The following NAV2 variants were observed in gnomAD, a reference collection of about 807,000 sequenced individuals.
NAV2 encodes the protein helicase, APC down-regulated 1.
NAV2 carries 54 observed loss-of-function variants against 223.2 expected under a neutral mutation model. The ratio of observed to expected loss-of-function variants is 0.24; its 90% CI spans 0.19 to 0.30. NAV2 has a LOEUF of 0.30. NAV2 is among the 10% of genes least tolerant of loss of function. The pLI is 1.00. For synonymous variants in NAV2, 1,279 were observed against 1,239.3 expected (o/e 1.03, Z -0.67); for missense variants, 2,806 against 3,147.5 (o/e 0.89, Z 2.60).
At chr11:19,822,475 TA>T (rs2059432527) in intron 1 of NAV2, among the ~76,000 whole-genome samples, 1 of 152,222 alleles carries the variant, frequency 6.6e-6, no homozygotes, top group Non-Finnish European at 1.5e-5. Flanking sequence ...CTTAACTTGA[TA>T]TTCAGAGGCA....
chr11:19,583,773 G>A (rs1440765590), intron 1 of NAV2, among the ~76,000 whole-genome samples: 2 of 152,146 alleles, frequency 1.3e-5, no homozygotes, highest in African/African-American at 4.8e-5. Flanking sequence ...GCTGGATTCG[G>A]TTTGCCAGTA....
At chr11:19,962,246 A>G (rs1252575946) in intron 10 of NAV2, among the ~76,000 whole-genome samples, 2 of 151,802 alleles carry the variant, frequency 1.3e-5, no homozygotes, top group Admixed American at 6.5e-5. Context: ...AAAGCCTTCA[A>G]CTGATTGGAT....
chr11:19,835,556 A>G (rs925643832), intron 2 of NAV2, among the ~76,000 whole-genome samples: 1 of 152,124 alleles, frequency 6.6e-6, no homozygotes, highest in Non-Finnish European at 1.5e-5. Context: ...GCATCTTCTG[A>G]CTAGGATGCT....
At position 19,632,777 on chromosome 11, in the gene NAV2, G is replaced by C. The variant is rs74520813; in HGVS notation, c.76-199707G>C. On this transcript the variant is annotated intron_variant, in intron 1 of 37. Transcript: ENST00000360655. ...GATGTTATAAAAGAAATATAAGCCT[G>C]AGTTCATGACTTCTACATGCTCCAT... Among the ~76,000 whole-genome samples the C allele has an allele frequency of 2.4e-3, 363 of 152,326 alleles. 4 individuals are homozygous for C. The East Asian group carries it at 0.027, about 11-fold the overall frequency.
chr11:19,920,423 G>A (rs1029923966), intron 6 of NAV2, among the ~76,000 whole-genome samples: 1 of 152,134 alleles, frequency 6.6e-6, no homozygotes, highest in African/African-American at 2.4e-5. Flanking sequence ...GAGTAGCTGG[G>A]ATTACAGGCG....
chr11:19,633,410 A>G (rs983989156), intron 1 of NAV2, among the ~76,000 whole-genome samples: 1 of 152,266 alleles, frequency 6.6e-6, no homozygotes, highest in Non-Finnish European at 1.5e-5. Flanking sequence ...CAGCCCGCCA[A>G]GAGGCCGCGG....
At chr11:19,546,537 G>A (rs1330639034) in intron 1 of NAV2, among the ~76,000 whole-genome samples, 1 of 152,202 alleles carries the variant, frequency 6.6e-6, no homozygotes, top group Admixed American at 6.5e-5. Flanking sequence ...GCGGCTTCAT[G>A]AAGAATGGAG....
chr11:20,091,875 C>A (rs1329768083), intron 27 of NAV2, among the ~76,000 whole-genome samples: 1 of 152,166 alleles, frequency 6.6e-6, no homozygotes, highest in Non-Finnish European at 1.5e-5. Flanking sequence ...TCTGAGAAGT[C>A]CTGCAGGAAA....
rs2045154131 is a variant in NAV2, at chr11:19,929,842, GA to G, written c.932-3331del. Among the ~76,000 whole-genome samples the G allele has an allele frequency of 2.0e-5, 3 of 152,250 alleles. No homozygotes were observed. The East Asian group carries it at 5.8e-4, about 29-fold the overall frequency. On this transcript the variant is annotated intron_variant, in intron 6 of 37. Coordinates refer to ENST00000349880, the MANE Select transcript of NAV2 (RefSeq NM_145117.5). The stretch of plus-strand genomic sequence containing the variant: ...AGGGCGGGGAGTCTCTGTCCTGGAG[GA>G]AATCCCAGACCAGGGGAATAACTGA...
chr11:19,693,681 C>T (rs2049248489), intron 1 of NAV2, among the ~76,000 whole-genome samples: 1 of 152,180 alleles, frequency 6.6e-6, no homozygotes, highest in Admixed American at 6.5e-5. Flanking sequence ...AGCCCAGATT[C>T]ACATGGTTTT....
intron 1 of NAV2, among the ~76,000 whole-genome samples, chr11:19,544,605 G>A (rs540515721): frequency 6.6e-6 from 1 of 152,306 alleles, no homozygotes; most frequent in South Asian, 2.1e-4. Context: ...GTGGGGTACA[G>A]AATTCATCCT....
At chr11:19,466,822 A>T (rs1238468284) in intron 1 of NAV2, among the ~76,000 whole-genome samples, 6 of 152,194 alleles carry the variant, frequency 3.9e-5, no homozygotes, top group Admixed American at 3.9e-4. Flanking sequence ...TGTTACAGAG[A>T]TCTTAGAAAA....
chr11:20,105,302 T>G, intron 34 of NAV2: 1 of 428,450 alleles, frequency 2.3e-6, no homozygotes, highest in East Asian at 3.9e-5. Flanking sequence ...TTCCTCAGCA[T>G]TTCTGTCCGT....
intron 1 of NAV2, among the ~76,000 whole-genome samples, chr11:19,351,496 G>T (rs1853310080): frequency 6.6e-6 from 1 of 152,176 alleles, no homozygotes; most frequent in Non-Finnish European, 1.5e-5. Flanking sequence ...CTATCTGTGA[G>T]AATGTCACAG....
At chr11:20,018,385 AGTG>A (rs1223175743) in intron 11 of NAV2, among the ~76,000 whole-genome samples, 1 of 151,836 alleles carries the variant, frequency 6.6e-6, no homozygotes, top group African/African-American at 2.4e-5. Context: ...GTGAAACTAA[AGTG>A]GTATTACAAA....
At chr11:19,792,912 TAA>T (rs755851956) in intron 1 of NAV2, among the ~76,000 whole-genome samples, 21 of 141,498 alleles carry the variant, frequency 1.5e-4, no homozygotes, top group Non-Finnish European at 2.3e-4. Context: ...AGTGAGCCAT[TAA>T]AAAAAAAAAA....
intron 1 of NAV2, among the ~76,000 whole-genome samples, chr11:19,355,160 T>C (rs949083569): frequency 1.3e-5 from 2 of 152,200 alleles, no homozygotes; most frequent in African/African-American, 4.8e-5. Context: ...ACTTTTTGAT[T>C]GATTTTTCTC....
At chr11:19,530,989 C>T (rs1338720159) in intron 1 of NAV2, among the ~76,000 whole-genome samples, 1 of 152,220 alleles carries the variant, frequency 6.6e-6, no homozygotes, top group East Asian at 1.9e-4. Flanking sequence ...ATATATACTT[C>T]ATTTACCAAC....
chr11:19,430,072 T>C (rs1259784916), intron 1 of NAV2, among the ~76,000 whole-genome samples: 3 of 152,192 alleles, frequency 2.0e-5, no homozygotes, highest in African/African-American at 7.2e-5. Flanking sequence ...CAGGGAGCAA[T>C]GGTGGGCATG....
Sources: gnomAD v4.1 joint callset for allele counts (sites outside exome capture counted in the v4.1 genomes callset) on GRCh38, gnomAD v4.1.1 for gene constraint, MANE v1.5 for transcripts, NCBI Gene and HGNC (gene_info 2026-07-23, HGNC 2026-07-21) for gene names.